KIF3C: variants seen among roughly 807,000 people sequenced by gnomAD.
KIF3C encodes the protein kinesin-like protein KIF3C.
KIF3C carries 12 observed loss-of-function variants against 67.7 expected under a neutral mutation model. That is an observed-to-expected ratio of 0.18 (90% CI 0.11 to 0.29). KIF3C has a LOEUF of 0.29. Ranked by LOEUF, KIF3C falls within the 10% of genes least tolerant of loss-of-function variation. KIF3C has a pLI of 1.00. For missense variants in KIF3C, 789 were observed against 1,059.6 expected, an observed-to-expected ratio of 0.74 and a Z score of 3.55; for synonymous variants, 393 against 426.2, an observed-to-expected ratio of 0.92 and a Z score of 0.96.
rs1351064462 is a variant in KIF3C, at chr2:25,981,155, T to C, written c.763A>G (p.Lys255Glu). 1 of 1,614,090 alleles carries C rather than the reference T, an allele frequency of 6.2e-7. No homozygotes were observed. The highest frequency in any genetic ancestry group is 8.5e-7 in the Non-Finnish European group (1 of 1,180,024). The change falls in exon 1 of 8, where the codon AAG becomes GAG. Residue 255 changes from lysine (K) to glutamate (E), a missense_variant. Coordinates refer to ENST00000264712, the MANE Select transcript of KIF3C (RefSeq NM_002254.8). The surrounding 1 kb of genome is among the most constrained non-coding windows in gnomAD (Gnocchi z 8.2). ...VDLAGSERQN[K>E]AGPNTAGGAA... ...CCTCCCGCTGTGTTGGGGCCTGCCT[T>C]GTTCTGCCTCTCGCTGCCAGCCAGG...
chr2:25,976,650 A>T (rs1178313602), intron 1 of KIF3C, among the ~76,000 whole-genome samples: 1 of 152,198 alleles, frequency 6.6e-6, no homozygotes, highest in Non-Finnish European at 1.5e-5. Flanking sequence ...AATCCCAGCT[A>T]CTAGGGAGGA....
In KIF3C at chr2:25,976,605, CAA is replaced by C. The variant is rs1459812803; in HGVS notation, c.1545+3766_1545+3767del. On this transcript the variant is annotated intron_variant, in intron 1 of 7. Coordinates refer to ENST00000264712, the MANE Select transcript of KIF3C (RefSeq NM_002254.8). ...TGAAACCCCGTCTCTACTAAAAATA[CAA>C]AAAATTAGCTGGGCATGGTGGTGGG... 2.0e-5 allele frequency among the ~76,000 whole-genome samples: 3 copies of C among 151,882 alleles called. No homozygotes were observed. The East Asian group carries it at 5.8e-4, about 29-fold the overall frequency.
At chr2:25,936,583 G>C (rs1220668588) in intron 5 of KIF3C, among the ~76,000 whole-genome samples, 1 of 152,120 alleles carries the variant, frequency 6.6e-6, no homozygotes, top group Non-Finnish European at 1.5e-5. Flanking sequence ...TGTAAAGAAT[G>C]CTGCTGTGAA....
chr2:25,962,315 G>T (rs1248224811), intron 1 of KIF3C, among the ~76,000 whole-genome samples: 1 of 151,992 alleles, frequency 6.6e-6, no homozygotes, highest in Non-Finnish European at 1.5e-5. Flanking sequence ...GAAATAAAAT[G>T]ACAAATGCCA....
In KIF3C at chr2:25,944,445, G is replaced by C. The variant is rs974547612; in HGVS notation, c.2006+7344C>G. On this transcript the variant is annotated intron_variant, in intron 5 of 7. Coordinates refer to ENST00000264712, the MANE Select transcript of KIF3C (RefSeq NM_002254.8). ...AGCTCAGTGAAGCCTCAACCTCCTA[G>C]GTTCAAGCAATCCTCCCACCTCAGC... Among the ~76,000 whole-genome samples, 6 of 150,944 alleles carry C rather than the reference G, an allele frequency of 4.0e-5. No individual in the cohort carries two copies. The South Asian group carries it at 6.3e-4, about 16-fold the overall frequency.
At chr2:25,957,091 C>T (rs1273868380) in intron 1 of KIF3C, among the ~76,000 whole-genome samples, 1 of 152,138 alleles carries the variant, frequency 6.6e-6, no homozygotes, top group Non-Finnish European at 1.5e-5. Context: ...ATTGGAACAC[C>T]GCCTATGTTC....
chr2:25,962,987 TAA>T (rs1322177760), intron 1 of KIF3C, among the ~76,000 whole-genome samples: 4 of 52,784 alleles, frequency 7.6e-5, no homozygotes, highest in Non-Finnish European at 1.1e-4. Context: ...ATATAATATA[TAA>T]TATATATAAT....
rs542589079 is a variant in KIF3C at position 25,953,946 on chromosome 2, C to T, written c.1889+321G>A. ...GCTCCCAAAGTGCTGGGATTACAGG[C>T]ATGAGCCACTGCGCCCGGCCCTAAA... is the stretch of plus-strand genomic sequence containing the variant. On this transcript the variant is annotated intron_variant, in intron 4 of 7. Coordinates refer to ENST00000264712, the MANE Select transcript of KIF3C (RefSeq NM_002254.8). Among the ~76,000 whole-genome samples the T allele has an allele frequency of 2.6e-5, 4 of 152,294 alleles. No homozygotes were observed. In the South Asian group the frequency reaches 6.2e-4, roughly 24 times the overall value.
rs769073722 is a variant in KIF3C at position 25,958,379 on chromosome 2, G to A, written c.1546-1935C>T. On this transcript the variant is annotated intron_variant, in intron 1 of 7. Coordinates refer to ENST00000264712, the MANE Select transcript of KIF3C (RefSeq NM_002254.8). This position sits in a 1 kb window ranked among gnomAD's most constrained non-coding sequence, Gnocchi z 4.5. ...GCGGATCATCTGAGGTCAGGAGTTC[G>A]ATACCAGCCTGGCCAAAATGGAGAA... is the stretch of plus-strand genomic sequence containing the variant. 2.0e-5 allele frequency among the ~76,000 whole-genome samples: 3 copies of A among 152,098 alleles called. No homozygotes were observed. The highest frequency in any genetic ancestry group is 1.3e-4 in the Admixed American group (2 of 15,274).
rs754255564 is a variant in KIF3C at position 25,928,955 on chromosome 2, T to C, written c.*23A>G. The C allele has an allele frequency of 5.6e-6, 9 of 1,604,006 alleles. No individual in the cohort carries two copies. In the East Asian group the frequency reaches 2.0e-4, roughly 36 times the overall value. On this transcript the variant is annotated 3_prime_UTR_variant, in exon 8 of 8. Coordinates refer to ENST00000264712, the MANE Select transcript of KIF3C (RefSeq NM_002254.8). ...TGCCCCATCCCAGGAGTCTATTGGA[T>C]GGGCAGCCTGACGTGATGGTTGTCA...
intron 5 of KIF3C, among the ~76,000 whole-genome samples, chr2:25,949,196 C>T (rs907856986): frequency 3.3e-5 from 5 of 152,106 alleles, no homozygotes; most frequent in African/African-American, 1.2e-4. Flanking sequence ...AAAGTTAAAG[C>T]AAGATATGGC....
At chr2:25,960,161 T>C (rs752344656) in intron 1 of KIF3C, among the ~76,000 whole-genome samples, 1 of 152,032 alleles carries the variant, frequency 6.6e-6, no homozygotes. Flanking sequence ...CCCCATTGTT[T>C]GGGAGGCTGA....
At chr2:25,976,468 A>G (rs1384549998) in intron 1 of KIF3C, among the ~76,000 whole-genome samples, 1 of 152,178 alleles carries the variant, frequency 6.6e-6, no homozygotes, top group Non-Finnish European at 1.5e-5. Flanking sequence ...AACTCCTTGA[A>G]AAAATTAACT....
At chr2:25,973,791 G>A (rs906141795) in intron 1 of KIF3C, among the ~76,000 whole-genome samples, 5 of 152,218 alleles carry the variant, frequency 3.3e-5, no homozygotes, top group African/African-American at 9.6e-5. Flanking sequence ...CAGTAGGATA[G>A]GGAGGCCCAT....
chr2:25,928,682 T>C lies in KIF3C; in HGVS notation c.*296A>G, dbSNP rs2090431297. On this transcript the variant is annotated 3_prime_UTR_variant, in exon 8 of 8. Transcript: ENST00000264712. ...CAGGGGGACAAGCCTGAGATCTGACTGGGGGAGCTCTCAAGTCAGAAGAAA... is the reference window on the plus strand; with the variant it reads ...CAGGGGGACAAGCCTGAGATCTGACCGGGGGAGCTCTCAAGTCAGAAGAAA... 7.9e-6 allele frequency: 2 copies of C among 254,652 alleles called. No individual in the cohort carries two copies. Among genetic ancestry groups the C allele is most frequent in the South Asian group, 1.3e-4 (2 of 15,244 alleles). The allele number at this position is 254,652 out of a possible 1,614,324, so 15.8% of individuals were successfully genotyped here.
Position 25,926,659 on chromosome 2 carries a change from C to T in KIF3C, c.*2319G>A, listed in dbSNP as rs1179010705. The T allele has an allele frequency of 2.0e-5, 3 of 152,212 alleles. No homozygotes were observed. Among genetic ancestry groups the T allele is most frequent in the African/African-American group, 7.2e-5 (3 of 41,454 alleles). The allele number at this position is 152,212 out of a possible 1,614,324, so 9.4% of individuals were successfully genotyped here. A position where few individuals can be genotyped will look rare whatever the true frequency, so the allele number is the denominator to read the frequency against. ...TTGATTGGAACAGGGCTGGGGCCTGCAAGCTGCTGGCAGCACCCAGCTGCA... is the reference window on the plus strand; with the variant it reads ...TTGATTGGAACAGGGCTGGGGCCTGTAAGCTGCTGGCAGCACCCAGCTGCA... On this transcript the variant is annotated 3_prime_UTR_variant, in exon 8 of 8. Coordinates refer to ENST00000264712, the MANE Select transcript of KIF3C (RefSeq NM_002254.8).
chr2:25,970,068 G>A (rs774977843), intron 1 of KIF3C, among the ~76,000 whole-genome samples: 1 of 152,150 alleles, frequency 6.6e-6, no homozygotes, highest in Non-Finnish European at 1.5e-5. Flanking sequence ...TTAGAAGCTG[G>A]GGGTTTGCAT....
chr2:25,938,800 G>A (rs1446969233), intron 5 of KIF3C, among the ~76,000 whole-genome samples: 2 of 151,984 alleles, frequency 1.3e-5, no homozygotes, highest in African/African-American at 2.4e-5. Flanking sequence ...TCCCAGCAGG[G>A]CCCCACAACC....
rs1559555298 is a variant in KIF3C, at chr2:25,962,937, AATATATAATATATAATATATAAT to A, written c.1546-6516_1546-6494del. Among the ~76,000 whole-genome samples the A allele has an allele frequency of 2.5e-3, 83 of 32,906 alleles. 4 individuals are homozygous for A. The East Asian group carries it at 0.23, about 92-fold the overall frequency. The allele number at this position is 32,906 out of a possible 152,430, so 21.6% of individuals were successfully genotyped here. On this transcript the variant is annotated intron_variant, in intron 1 of 7. Transcript: ENST00000264712. ...AATATATATAATATATAATACATAT[AATATATAATATATAATATATAAT>A]ATATATAATATATAATATATAATAT...
Sources: allele counts gnomAD v4.1 joint callset (sites outside exome capture counted in the v4.1 genomes callset), GRCh38; gene constraint gnomAD v4.1.1; non-coding constraint Gnocchi (gnomAD v3.1); transcripts MANE v1.5; gene names NCBI Gene and HGNC (gene_info 2026-07-23, HGNC 2026-07-21).